STPG2: variants seen among roughly 807,000 people sequenced by gnomAD.
STPG2 encodes sperm-tail PG-rich repeat-containing protein 2.
In STPG2, 56 loss-of-function variants were observed where a neutral mutation model predicts 54.2. That is an observed-to-expected ratio of 1.03 (90% CI 0.83 to 1.29). STPG2 has a LOEUF of 1.29. STPG2 is among the 50% of genes most tolerant of loss of function. The pLI is 0.00. For synonymous variants in STPG2, 200 were observed against 181.8 expected, an observed-to-expected ratio of 1.10 and a Z score of -0.81; for missense variants, 596 against 544.9, an observed-to-expected ratio of 1.09 and a Z score of -0.93.
Position 97,770,354 on chromosome 4 carries a change from C to T in STPG2, c.1205-57540G>A, listed in dbSNP as rs1726180725. Among the ~76,000 whole-genome samples the T allele has an allele frequency of 2.0e-5, 3 of 152,132 alleles. No individual in the cohort carries two copies. The South Asian group carries it at 6.2e-4, about 32-fold the overall frequency. ...ATCTGAACAGAGACCTGAAGGAAAT[C>T]AAGAACTGAGTCAGGTGGATGTTTG... is the stretch of plus-strand genomic sequence containing the variant. On this transcript the variant is annotated intron_variant, in intron 9 of 10. Transcript: ENST00000295268.
intron 4 of STPG2, among the ~76,000 whole-genome samples, chr4:97,538,716 G>A (rs1266911925): frequency 6.6e-6 from 1 of 152,082 alleles, no homozygotes; most frequent in Non-Finnish European, 1.5e-5. Flanking sequence ...TCCTCAAGAA[G>A]AGCAACTCCA....
intron 6 of STPG2, among the ~76,000 whole-genome samples, chr4:97,976,070 C>G (rs533030695): frequency 1.7e-4 from 26 of 152,248 alleles, no homozygotes; most frequent in African/African-American, 6.3e-4. Flanking sequence ...ATACTTCTGA[C>G]ACATATAAGA....
intron 8 of STPG2, among the ~76,000 whole-genome samples, chr4:97,909,807 A>G (rs1211705869): frequency 6.6e-6 from 1 of 152,146 alleles, no homozygotes; most frequent in Non-Finnish European, 1.5e-5. Context: ...ATGGTAAATA[A>G]TATTTTTAAA....
At chr4:98,013,811 G>A (rs1735837306) in intron 5 of STPG2, among the ~76,000 whole-genome samples, 1 of 151,718 alleles carries the variant, frequency 6.6e-6, no homozygotes. Flanking sequence ...GGTCAGTGGT[G>A]ATATCCCCTT....
At chr4:97,738,395 C>A (rs1172552370) in intron 9 of STPG2, among the ~76,000 whole-genome samples, 2 of 152,010 alleles carry the variant, frequency 1.3e-5, no homozygotes, top group Admixed American at 6.6e-5. Context: ...CTAAATGCTC[C>A]CATTAAAAGA....
At chr4:98,035,160 C>T (rs941425830) in intron 5 of STPG2, among the ~76,000 whole-genome samples, 1 of 152,110 alleles carries the variant, frequency 6.6e-6, no homozygotes, top group African/African-American at 2.4e-5. Flanking sequence ...AGTGAACAGG[C>T]AACCTACAGA....
intron 8 of STPG2, among the ~76,000 whole-genome samples, chr4:97,905,717 C>T (rs34613258): frequency 0.37 from 56,665 of 151,764 alleles, 10,648 homozygotes; most frequent in Middle Eastern, 0.46. Flanking sequence ...ACCCATCTCA[C>T]GTGCAGAGAC....
At chr4:97,740,999 C>T (rs1285331628) in intron 9 of STPG2, among the ~76,000 whole-genome samples, 1 of 152,100 alleles carries the variant, frequency 6.6e-6, no homozygotes, top group Non-Finnish European at 1.5e-5. Flanking sequence ...CAGCATGGTA[C>T]TGGTACCAAA....
intron 10 of STPG2, among the ~76,000 whole-genome samples, chr4:97,688,877 G>C (rs1007172667): frequency 6.6e-6 from 1 of 152,010 alleles, no homozygotes; most frequent in African/African-American, 2.4e-5. Flanking sequence ...ACCAATTTAA[G>C]GTCTTTCCTT....
intron 6 of STPG2, among the ~76,000 whole-genome samples, chr4:97,977,789 C>T (rs1734544854): frequency 6.6e-6 from 1 of 152,184 alleles, no homozygotes; most frequent in Admixed American, 6.6e-5. Flanking sequence ...TATAACCAAA[C>T]TCTAAAATCT....
intron 8 of STPG2, among the ~76,000 whole-genome samples, chr4:97,923,631 T>C (rs1472030960): frequency 6.6e-6 from 1 of 150,822 alleles, no homozygotes. Flanking sequence ...CACCAATCAG[T>C]GCTCTGTGTC....
At chr4:97,986,986 G>T (rs1358729739) in intron 5 of STPG2, among the ~76,000 whole-genome samples, 1 of 152,078 alleles carries the variant, frequency 6.6e-6, no homozygotes, top group Non-Finnish European at 1.5e-5. Context: ...TCCAGGCCCT[G>T]GTACTCCCTA....
At chr4:97,460,742 T>C (rs1373117161) in intron 4 of STPG2, among the ~76,000 whole-genome samples, 1 of 152,190 alleles carries the variant, frequency 6.6e-6, no homozygotes, top group Non-Finnish European at 1.5e-5. Context: ...CGCTCTTATG[T>C]TCCCACACCC....
At chr4:97,727,903 T>C (rs546469023) in intron 9 of STPG2, among the ~76,000 whole-genome samples, 2 of 152,132 alleles carry the variant, frequency 1.3e-5, no homozygotes, top group South Asian at 4.1e-4. Flanking sequence ...ATCATTATAC[T>C]TTTTTCTACT....
Position 98,091,401 on chromosome 4 carries a change from C to T in STPG2, c.612+14552G>A, listed in dbSNP as rs188525923. 2.6e-5 allele frequency among the ~76,000 whole-genome samples: 4 copies of T among 152,152 alleles called. No homozygotes were observed. In the East Asian group the frequency reaches 5.8e-4, roughly 22 times the overall value. On this transcript the variant is annotated intron_variant, in intron 5 of 10. Coordinates refer to ENST00000295268, the MANE Select transcript of STPG2 (RefSeq NM_174952.3). The stretch of plus-strand genomic sequence containing the variant: ...AATACAAGTTGCTTTCTCACACCTT[C>T]GTGGCTTTACAAATCCTCATTGCCT...
rs527510658 is a variant in STPG2 at position 97,907,555 on chromosome 4, G to A, written c.1044+36342C>T. ...ATGGAACCAAAAAAGAGCCTACATC[G>A]CCAAGTCAATCCTAAGCCAAAAGAA... On this transcript the variant is annotated intron_variant, in intron 8 of 10. Coordinates refer to ENST00000295268, the MANE Select transcript of STPG2 (RefSeq NM_174952.3). Among the ~76,000 whole-genome samples, 262 of 151,778 alleles carry A rather than the reference G, an allele frequency of 1.7e-3. 2 individuals are homozygous for A. The highest frequency in any genetic ancestry group is 5.7e-3 in the African/African-American group (237 of 41,320).
At chr4:97,921,842 T>G (rs983458545) in intron 8 of STPG2, among the ~76,000 whole-genome samples, 1 of 152,100 alleles carries the variant, frequency 6.6e-6, no homozygotes, top group African/African-American at 2.4e-5. Context: ...TATTCAACCT[T>G]TAAAAAGAAG....
intron 10 of STPG2, among the ~76,000 whole-genome samples, chr4:97,586,763 C>T (rs1196015404): frequency 6.6e-6 from 1 of 151,846 alleles, no homozygotes; most frequent in East Asian, 1.9e-4. Context: ...AAGATATTCT[C>T]AGGTGAAGGC....
chr4:97,586,836 G>C (rs934860468), intron 10 of STPG2, among the ~76,000 whole-genome samples: 1 of 151,898 alleles, frequency 6.6e-6, no homozygotes, highest in Non-Finnish European at 1.5e-5. Flanking sequence ...AAGTTCTGTA[G>C]AGAGAAAGGA....
Sources: gnomAD v4.1 joint callset for allele counts (sites outside exome capture counted in the v4.1 genomes callset) on GRCh38, gnomAD v4.1.1 for gene constraint, MANE v1.5 for transcripts, NCBI Gene and HGNC (gene_info 2026-07-23, HGNC 2026-07-21) for gene names.